PPP2R1B: variants seen among roughly 807,000 people sequenced by gnomAD.
PPP2R1B encodes the protein serine/threonine-protein phosphatase 2A 65 kDa regulatory subunit A beta isoform.
Under a neutral mutation model 72.7 loss-of-function variants are expected in PPP2R1B, and 58 were observed. The ratio of observed to expected loss-of-function variants is 0.80; its 90% CI spans 0.65 to 0.99. The LOEUF is 0.99. Ranked by LOEUF, PPP2R1B falls within the 50% of genes least tolerant of loss-of-function variation. The pLI, the probability that PPP2R1B is intolerant of heterozygous loss-of-function variation, is 0.00. For missense variants in PPP2R1B, 695 were observed against 733.6 expected, an observed-to-expected ratio of 0.95 and a Z score of 0.61; for synonymous variants, 256 against 264.6, an observed-to-expected ratio of 0.97 and a Z score of 0.32.
chr11:111,723,792 CCACGCAGCTA>C (rs1162650424), downstream of PPP2R1B: 1 of 1,613,838 alleles, frequency 6.2e-7, no homozygotes, highest in African/African-American at 1.3e-5. Context: ...CCTCCTCTGC[CCACGCAGCTA>C]CAGCAGCAGC....
the PPP2R1B span, chr11:111,703,406 C>G: frequency 5.0e-6 from 8 of 1,613,776 alleles, no homozygotes; most frequent in Non-Finnish European, 6.8e-6. Context: ...TGGAATAGAT[C>G]AGCAGAAAAC....
chr11:111,744,887 G>A (rs1410058468), intron 11 of PPP2R1B, among the ~76,000 whole-genome samples: 4 of 151,952 alleles, frequency 2.6e-5, no homozygotes, highest in East Asian at 1.9e-4. Context: ...GCAACCTTTC[G>A]GTAAGACTCA....
chr11:111,726,340 C>G (rs1251339856), downstream of PPP2R1B: 2 of 152,284 alleles, frequency 1.3e-5, no homozygotes, highest in African/African-American at 4.8e-5. Flanking sequence ...ACGGTTAGGC[C>G]AGCCGATGAG....
chr11:111,739,347 T>TAA lies in PPP2R1B; in HGVS notation c.*2247_*2248dup, dbSNP rs3216101. The TAA allele has an allele frequency of 1.3e-3, 1,164 of 920,592 alleles. No homozygotes were observed. Among genetic ancestry groups the TAA allele is most frequent in the Middle Eastern group, 1.7e-3 (3 of 1,778 alleles). 57.0% of individuals were successfully genotyped at this position (920,592 alleles called of 1,614,324 possible). A position where few individuals can be genotyped will look rare whatever the true frequency, so the allele number is the denominator to read the frequency against. ...ACTTTTCCCTTAAGTTTAAGGTAGT[T>TAA]AAAAAAAAAAATAGGAGAACTAATT... is the stretch of plus-strand genomic sequence containing the variant. On this transcript the variant is annotated 3_prime_UTR_variant, in exon 15 of 15. Coordinates refer to ENST00000527614, the MANE Select transcript of PPP2R1B (RefSeq NM_002716.5).
At chr11:111,726,888 G>T, downstream of PPP2R1B, 1 of 1,357,168 alleles carries the variant, frequency 7.4e-7, no homozygotes, top group Non-Finnish European at 1.0e-6. Context: ...ATGAACGTGA[G>T]GTAAAAATTT....
At chr11:111,751,443 C>A (rs1944903523) in intron 10 of PPP2R1B, among the ~76,000 whole-genome samples, 1 of 152,058 alleles carries the variant, frequency 6.6e-6, no homozygotes, top group African/African-American at 2.4e-5. Context: ...GATTAAGCAT[C>A]CCAAATCCAA....
intron 2 of PPP2R1B, 124 bp downstream of exon 2, chr11:111,765,170 G>C: frequency 9.0e-7 from 1 of 1,110,706 alleles, no homozygotes; most frequent in Admixed American, 2.3e-5. Flanking sequence ...ACTCTGTTCT[G>C]TTTCTTTTGC....
chr11:111,725,932 G>A (rs1366029194), downstream of PPP2R1B: 1 of 152,208 alleles, frequency 6.6e-6, no homozygotes, highest in African/African-American at 2.4e-5. Context: ...TCATTTTTGT[G>A]ATTTAATAAC....
chr11:111,724,135 G>C (rs371858570), downstream of PPP2R1B: 32 of 1,602,960 alleles, frequency 2.0e-5, no homozygotes, highest in Non-Finnish European at 2.6e-5. Flanking sequence ...ATTAGTCTCA[G>C]CACAGGAATT....
rs1555050712 is a variant in PPP2R1B at position 111,759,842 on chromosome 11, T to C, written c.649A>G (p.Ile217Val). The change falls in exon 5 of 15, where the codon ATT becomes GTT. Residue 217 changes from isoleucine (I) to valine (V), a missense_variant. Transcript: ENST00000527614. ...VLELDSVKSE[I>V]VPLFTSLASD... The stretch of plus-strand genomic sequence containing the variant: ...GCTAGACTAGTGAACAGTGGAACAA[T>C]TTCACTTTTCACACTGTCTAATTCC... 4 of 1,614,022 alleles carry C rather than the reference T, an allele frequency of 2.5e-6. No individual in the cohort carries two copies. Among genetic ancestry groups the C allele is most frequent in the South Asian group, 2.2e-5 (2 of 91,040 alleles).
chr11:111,722,612 C>T (rs906564355), downstream of PPP2R1B: 2 of 1,534,760 alleles, frequency 1.3e-6, no homozygotes, highest in Admixed American at 1.7e-5. The surrounding 1 kb of genome is among the most constrained non-coding windows in gnomAD (Gnocchi z 4.4). Flanking sequence ...CTGATGACTG[C>T]ATCCTAGGTG....
At chr11:111,733,966 A>G (rs989360502), downstream of PPP2R1B, among the ~76,000 whole-genome samples, 1 of 152,114 alleles carries the variant, frequency 6.6e-6, no homozygotes, top group Non-Finnish European at 1.5e-5. Flanking sequence ...GGCAGCAAAG[A>G]ACCTCTGACA....
At chr11:111,748,392 C>A (rs986248039) in intron 10 of PPP2R1B, among the ~76,000 whole-genome samples, 1 of 152,242 alleles carries the variant, frequency 6.6e-6, no homozygotes, top group South Asian at 2.1e-4. Flanking sequence ...AATTCTCAAT[C>A]GTCTTCCCTT....
chr11:111,763,816 G>C (rs1323701940), intron 3 of PPP2R1B, among the ~76,000 whole-genome samples: 1 of 150,944 alleles, frequency 6.6e-6, no homozygotes, highest in East Asian at 2.0e-4. Context: ...GTAGAAAAAA[G>C]CATAGGCCTA....
chr11:111,713,411 A>C, the PPP2R1B span, among the ~76,000 whole-genome samples: 18 of 152,206 alleles, frequency 1.2e-4, no homozygotes, highest in African/African-American at 4.1e-4. Flanking sequence ...CCACGTAACA[A>C]AACTCTTTGA....
chr11:111,738,645 G>C lies in PPP2R1B; in HGVS notation c.*2951C>G, dbSNP rs1211867619. Reference sequence around the variant, plus strand: ...AGTGGCTGAGCTGTGGTATTTCTGTGAGCTGAGGGCAGCCCGTTATTTCAA... The same window carrying C: ...AGTGGCTGAGCTGTGGTATTTCTGTCAGCTGAGGGCAGCCCGTTATTTCAA... On this transcript the variant is annotated 3_prime_UTR_variant, in exon 15 of 15. Coordinates refer to ENST00000527614, the MANE Select transcript of PPP2R1B (RefSeq NM_002716.5). The C allele has an allele frequency of 1.0e-6, 1 of 985,282 alleles. No individual in the cohort carries two copies. The highest frequency in any genetic ancestry group is 1.2e-6 in the Non-Finnish European group (1 of 829,956). 61.0% of individuals were successfully genotyped at this position (985,282 alleles called of 1,614,324 possible). A position where few individuals can be genotyped will look rare whatever the true frequency, so the allele number is the denominator to read the frequency against.
chr11:111,732,376 CCT>C (rs2136012022), intron 15 of PPP2R1B, among the ~76,000 whole-genome samples: 1 of 152,296 alleles, frequency 6.6e-6, no homozygotes, highest in South Asian at 2.1e-4. Flanking sequence ...GTTAGGAACC[CCT>C]GACTCAGCCT....
the PPP2R1B span, among the ~76,000 whole-genome samples, chr11:111,699,700 G>T: frequency 2.3e-4 from 35 of 152,292 alleles, no homozygotes; most frequent in Non-Finnish European, 4.6e-4. Flanking sequence ...TTTGCCTAAG[G>T]TGCACATGTA....
the PPP2R1B span, chr11:111,721,047 T>C: frequency 7.4e-6 from 12 of 1,613,612 alleles, no homozygotes; most frequent in Non-Finnish European, 9.3e-6. Context: ...AGGACCTTGC[T>C]AGCAGCTGCC....
Sources: allele counts gnomAD v4.1 joint callset (sites outside exome capture counted in the v4.1 genomes callset), GRCh38; gene constraint gnomAD v4.1.1; non-coding constraint Gnocchi (gnomAD v3.1); transcripts MANE v1.5; gene names NCBI Gene and HGNC (gene_info 2026-07-23, HGNC 2026-07-21).